IFT74: variants seen among roughly 807,000 people sequenced by gnomAD.
The protein encoded by IFT74 is intraflagellar transport 74.
In IFT74, 92 loss-of-function variants were observed where a neutral mutation model predicts 96.7. The ratio of observed to expected loss-of-function variants is 0.95; its 90% CI spans 0.80 to 1.13. The LOEUF is 1.13. Among genes scored for constraint, IFT74 ranks in the 50% most tolerant of loss-of-function variants. The pLI, the probability that IFT74 is intolerant of heterozygous loss-of-function variation, is 0.00. For missense variants in IFT74, 811 were observed against 698.2 expected (o/e 1.16, Z -1.82); for synonymous variants, 223 against 213.2 (o/e 1.05, Z -0.40).
intron 13 of IFT74, among the ~76,000 whole-genome samples, chr9:27,030,732 A>T (rs1172224682): frequency 1.3e-5 from 2 of 152,156 alleles, no homozygotes; most frequent in Non-Finnish European, 2.9e-5. Flanking sequence ...CTACTTTCCA[A>T]AAAGCCTGAA....
At position 27,005,367 on chromosome 9, in the gene IFT74, C is replaced by T. The variant is rs886564422; in HGVS notation, c.588-3653C>T. Among the ~76,000 whole-genome samples the T allele has an allele frequency of 3.2e-4, 33 of 102,754 alleles. 3 individuals are homozygous for T. The highest frequency in any genetic ancestry group is 4.5e-3 in the Middle Eastern group (1 of 224). The allele number at this position is 102,754 out of a possible 152,430, so 67.4% of individuals were successfully genotyped here. ...TGAAACCATTTCCCCCCCCGCCCCC[C>T]GCAAAACAATTACTTAGTATTGTAT... is the stretch of plus-strand genomic sequence containing the variant. On this transcript the variant is annotated intron_variant, in intron 8 of 19. Coordinates refer to ENST00000380062, the MANE Select transcript of IFT74 (RefSeq NM_025103.4).
intron 14 of IFT74, among the ~76,000 whole-genome samples, chr9:27,045,306 C>T (rs944411238): frequency 2.0e-5 from 3 of 152,182 alleles, no homozygotes; most frequent in Non-Finnish European, 2.9e-5. Flanking sequence ...AACCATCACC[C>T]GCATCTGCCC....
At chr9:26,985,702 T>G (rs1827600220) in intron 6 of IFT74, among the ~76,000 whole-genome samples, 1 of 152,162 alleles carries the variant, frequency 6.6e-6, no homozygotes, top group South Asian at 2.1e-4. Context: ...AATGCACACA[T>G]GCTTTTCTCC....
chr9:27,010,011 A>G (rs1257872844), intron 9 of IFT74, among the ~76,000 whole-genome samples: 1 of 150,066 alleles, frequency 6.7e-6, no homozygotes. Context: ...TTTTTTTGAG[A>G]CGGAGTCTCG....
chr9:26,984,204 T>C (rs1827527327), intron 4 of IFT74, 53 bp from the exon 5 acceptor site: 1 of 1,433,208 alleles, frequency 7.0e-7, no homozygotes, highest in African/African-American at 1.5e-5. Context: ...TTTGCTTAAC[T>C]AGAGTTTTCT....
upstream of IFT74, among the ~76,000 whole-genome samples, chr9:26,952,176 ATAT>A (rs1340708218): frequency 2.0e-5 from 3 of 152,134 alleles, no homozygotes; most frequent in South Asian, 2.1e-4. Flanking sequence ...ATGCTTTGAA[ATAT>A]TATCTAGATA....
intron 13 of IFT74, among the ~76,000 whole-genome samples, chr9:27,030,586 T>C (rs1830075953): frequency 6.6e-6 from 1 of 151,762 alleles, no homozygotes; most frequent in South Asian, 2.1e-4. Context: ...TTCTATATTT[T>C]AGCAGGGAAG....
At chr9:27,017,754 C>A (rs745891193) in intron 11 of IFT74, among the ~76,000 whole-genome samples, 1 of 152,128 alleles carries the variant, frequency 6.6e-6, no homozygotes, top group Non-Finnish European at 1.5e-5. Flanking sequence ...GTGAAATTAT[C>A]GTATGTCCTA....
intron 13 of IFT74, 45 bp from the exon 14 acceptor site, chr9:27,044,697 A>G: frequency 1.8e-6 from 2 of 1,096,854 alleles, no homozygotes; most frequent in African/African-American, 1.6e-5. Flanking sequence ...AGAGCCCTGT[A>G]TGTGCAATTT....
intron 1 of IFT74, among the ~76,000 whole-genome samples, chr9:26,950,216 G>C (rs986484781): frequency 6.6e-6 from 1 of 151,958 alleles, no homozygotes; most frequent in African/African-American, 2.4e-5. Context: ...GGAGGCTGAG[G>C]CAGGAGAATC....
chr9:26,961,552 A>T (rs563182164), intron 1 of IFT74, among the ~76,000 whole-genome samples: 1 of 152,314 alleles, frequency 6.6e-6, no homozygotes, highest in Admixed American at 6.5e-5. Context: ...TGTTAAAGTT[A>T]AGAAAATAGA....
chr9:27,008,345 A>G (rs1464042017), intron 8 of IFT74, among the ~76,000 whole-genome samples: 4 of 151,888 alleles, frequency 2.6e-5, no homozygotes, highest in African/African-American at 9.7e-5. Context: ...TAAAACCACA[A>G]TTCTAAAACT....
intron 13 of IFT74, among the ~76,000 whole-genome samples, chr9:27,040,698 TC>T (rs901869758): frequency 1.3e-4 from 20 of 152,162 alleles, no homozygotes; most frequent in Non-Finnish European, 2.6e-4. Context: ...TGTTGACCTT[TC>T]AACTCCAAAA....
intron 6 of IFT74, among the ~76,000 whole-genome samples, chr9:26,988,032 A>T (rs1203487682): frequency 6.6e-6 from 1 of 152,016 alleles, no homozygotes; most frequent in Non-Finnish European, 1.5e-5. Context: ...GGCTCACCGC[A>T]ACCTCTGCTT....
rs893027020 is a variant in IFT74, at chr9:26,985,242, G to A, written c.465+683G>A. On this transcript the variant is annotated intron_variant, in intron 6 of 19. Transcript: ENST00000380062. ...ACTGCATGTTCTCTCTTACCAGTGGGAGCTAAATGATAACACATAGATGGG... is the reference window on the plus strand; with the variant it reads ...ACTGCATGTTCTCTCTTACCAGTGGAAGCTAAATGATAACACATAGATGGG... 3.3e-5 allele frequency among the ~76,000 whole-genome samples: 5 copies of A among 152,140 alleles called. No homozygotes were observed. The East Asian group carries it at 9.6e-4, about 29-fold the overall frequency.
intron 12 of IFT74, among the ~76,000 whole-genome samples, chr9:27,023,006 A>G (rs139659037): frequency 0.013 from 1,904 of 152,086 alleles, 39 homozygotes; most frequent in African/African-American, 0.042. Context: ...GTGTACATTG[A>G]TTTTGTGTCC....
intron 4 of IFT74, chr9:26,984,021 TG>T (rs1827513691): frequency 3.5e-6 from 1 of 289,350 alleles, no homozygotes; most frequent in South Asian, 3.9e-5. Flanking sequence ...TGACCTCACG[TG>T]ATGCGCCTGC....
chr9:27,015,109 A>T (rs896914813), intron 10 of IFT74, among the ~76,000 whole-genome samples: 3 of 152,254 alleles, frequency 2.0e-5, no homozygotes, highest in African/African-American at 7.2e-5. Flanking sequence ...TTTTATCAAG[A>T]TGAAATTCAA....
intron 8 of IFT74, among the ~76,000 whole-genome samples, chr9:27,000,958 C>T (rs1433299577): frequency 3.3e-5 from 5 of 152,178 alleles, no homozygotes; most frequent in Non-Finnish European, 7.4e-5. Flanking sequence ...ATTCCTCCCT[C>T]CCTACCACCC....
Sources: allele counts gnomAD v4.1 joint callset (sites outside exome capture counted in the v4.1 genomes callset), GRCh38; gene constraint gnomAD v4.1.1; transcripts MANE v1.5; gene names NCBI Gene and HGNC (gene_info 2026-07-23, HGNC 2026-07-21).